Variants in KIF24 observed in about 807,000 individuals in gnomAD.
The protein encoded by KIF24 is kinesin-like protein KIF24.
In KIF24, 81 loss-of-function variants were observed where a neutral mutation model predicts 118.9. The observed-to-expected ratio is 0.68, with a 90% CI of 0.57 to 0.82. The LOEUF is 0.82. Ranked by LOEUF, KIF24 falls within the 40% of genes least tolerant of loss-of-function variation. The pLI is 0.00. For missense variants in KIF24, 1,560 were observed against 1,661.6 expected, an observed-to-expected ratio of 0.94 and a Z score of 1.06; for synonymous variants, 599 against 610.0, an observed-to-expected ratio of 0.98 and a Z score of 0.27.
At chr9:34,321,655 G>A (rs1837529522) in intron 1 of KIF24, among the ~76,000 whole-genome samples, 1 of 146,664 alleles carries the variant, frequency 6.8e-6, no homozygotes, top group African/African-American at 2.5e-5. Context: ...CGCCCAGGCT[G>A]GAGTACAGTG....
intron 6 of KIF24, among the ~76,000 whole-genome samples, chr9:34,283,052 CAA>C (rs33926979): frequency 0.55 from 37,503 of 68,386 alleles, 7,931 homozygotes; most frequent in South Asian, 0.7. Context: ...AACTCCGTCT[CAA>C]AAAAAAAAAA....
chr9:34,316,506 C>T (rs923831524), intron 1 of KIF24, among the ~76,000 whole-genome samples: 9 of 152,134 alleles, frequency 5.9e-5, no homozygotes, highest in African/African-American at 1.4e-4. Context: ...AGGGCCCTTA[C>T]GACTTTAAGA....
At chr9:34,271,165 T>C (rs1302764591) in intron 7 of KIF24, among the ~76,000 whole-genome samples, 1 of 152,064 alleles carries the variant, frequency 6.6e-6, no homozygotes, top group Non-Finnish European at 1.5e-5. Flanking sequence ...TTGATGCTGG[T>C]ACTGTCCACT....
intron 5 of KIF24, among the ~76,000 whole-genome samples, 170 bp from the exon 6 acceptor site, chr9:34,286,874 G>C (rs1228950269): frequency 6.6e-6 from 1 of 152,166 alleles, no homozygotes; most frequent in Non-Finnish European, 1.5e-5. Flanking sequence ...GCCCGATTCA[G>C]GGGTGGTTGT....
chr9:34,276,515 A>G (rs1394504295), intron 6 of KIF24, among the ~76,000 whole-genome samples: 3 of 152,200 alleles, frequency 2.0e-5, no homozygotes, highest in Admixed American at 6.6e-5. Flanking sequence ...TTAAGAATCC[A>G]AAAGTTGACA....
chr9:34,302,238 C>T (rs992839295), intron 3 of KIF24, among the ~76,000 whole-genome samples: 46 of 152,056 alleles, frequency 3.0e-4, no homozygotes, highest in African/African-American at 8.9e-4. Context: ...TTGTGATCCA[C>T]GGCCTCGGCC....
Position 34,255,029 on chromosome 9 carries a change from C to T in KIF24, c.3966+43G>A. 5 of 1,321,970 alleles carry T rather than the reference C, an allele frequency of 3.8e-6. No homozygotes were observed. The South Asian group carries it at 6.3e-5, about 17-fold the overall frequency. The allele number at this position is 1,321,970 out of a possible 1,614,324, so 81.9% of individuals were successfully genotyped here. On this transcript the variant is annotated intron_variant, in intron 12 of 12. Transcript: ENST00000402558. ...GGATGACCATCAAATTAGCTGCAGG[C>T]TAATTCCCAACAGCCTGTGAGTGTC...
At position 34,269,339 on chromosome 9, in the gene KIF24, C is replaced by A; in HGVS notation, c.1361G>T (p.Gly454Val). ...CCTTGCATCTGCTGCTCTTTCACTG[C>A]CAGCCAAGTCAATAAAAGAGATCCT... ...FGRISFIDLA[G>V]SERAADARDS... The change falls in exon 8 of 13, where the codon GGC (glycine) becomes GTC (valine). Residue 454 changes from glycine to valine, a missense_variant. Physicochemically the swap from Gly to Val is moderately radical, Grantham distance 109. Around this residue, in one of 3 missense-constraint regions of KIF24, gnomAD observed 964 missense variants for 988.0 expected, o/e 0.98. Coordinates refer to ENST00000402558, the MANE Select transcript of KIF24 (RefSeq NM_194313.4). The A allele has an allele frequency of 1.2e-6, 2 of 1,605,874 alleles. No homozygotes were observed. Among genetic ancestry groups the A allele is most frequent in the Non-Finnish European group, 1.7e-6 (2 of 1,173,330 alleles).
chr9:34,293,279 A>G (rs1300760670), intron 4 of KIF24, among the ~76,000 whole-genome samples: 1 of 151,802 alleles, frequency 6.6e-6, no homozygotes, highest in Non-Finnish European at 1.5e-5. Flanking sequence ...CAGGAGTTCG[A>G]GATCAGCCTG....
chr9:34,268,832 C>T (rs1487169469), intron 8 of KIF24, among the ~76,000 whole-genome samples: 4 of 152,170 alleles, frequency 2.6e-5, no homozygotes, highest in Admixed American at 2.6e-4. Flanking sequence ...ATAATCCAAC[C>T]AGGGGGAGGG....
chr9:34,320,519 A>G (rs1209245333), intron 1 of KIF24, among the ~76,000 whole-genome samples: 2 of 151,468 alleles, frequency 1.3e-5, no homozygotes, highest in Non-Finnish European at 2.9e-5. Context: ...TTAGCTGGGC[A>G]TGGTGGCGGG....
chr9:34,327,654 C>A (rs908667007), intron 1 of KIF24, among the ~76,000 whole-genome samples: 1 of 151,866 alleles, frequency 6.6e-6, no homozygotes, highest in African/African-American at 2.4e-5. Flanking sequence ...GTGTGGTCTA[C>A]CTGACATCAA....
At position 34,320,136 on chromosome 9, in the gene KIF24, C is replaced by T. The variant is rs566379407; in HGVS notation, c.-25-8765G>A. Among the ~76,000 whole-genome samples, 6 of 152,200 alleles carry T rather than the reference C, an allele frequency of 3.9e-5. No individual in the cohort carries two copies. The East Asian group carries it at 1.2e-3, about 29-fold the overall frequency. On this transcript the variant is annotated intron_variant, in intron 1 of 12. Transcript: ENST00000402558. ...AGGCATCCCCAGAATGACCTGGCCC[C>T]ATTGAGGCAGATCGAGAAAGAGCTC...
At position 34,256,726 on chromosome 9, in the gene KIF24, T is replaced by G. The variant is rs754768786; in HGVS notation, c.2881A>C (p.Arg961=). The G allele has an allele frequency of 3.0e-5, 48 of 1,613,774 alleles. No homozygotes were observed. The East Asian group carries it at 1.0e-3, about 35-fold the overall frequency. Residue 961 remains arginine (R), a synonymous_variant, in exon 11 of 13, where the codon AGA becomes CGA. Transcript: ENST00000402558. The part of the protein sequence containing the change: ...ERGGGSSFDL[R]KDASQSEVSG... ...ACCTCACTTTGGGAGGCATCCTTTC[T>G]GAGATCAAAGGAAGAGCCTCCACCT...
intron 4 of KIF24, among the ~76,000 whole-genome samples, chr9:34,294,510 T>G (rs1836385428): frequency 6.6e-6 from 1 of 151,514 alleles, no homozygotes; most frequent in African/African-American, 2.4e-5. Context: ...ATCGCACCAT[T>G]GCACTCCAGC....
At chr9:34,262,678 ATATATATATATATAT>A (rs1835129630) in intron 9 of KIF24, among the ~76,000 whole-genome samples, 1 of 17,364 alleles carries the variant, frequency 5.8e-5, no homozygotes, top group Non-Finnish European at 9.5e-5. Context: ...AAAAAAAAAT[ATATATATATATATAT>A]ATATATATAT....
chr9:34,324,983 A>G lies in KIF24; in HGVS notation c.-26+4123T>C, dbSNP rs556769347. ...ACAGTTAATTATATTAATAATTATT[A>G]TATGATAATTATTTGATTATGTCTA... On this transcript the variant is annotated intron_variant, in intron 1 of 12. Transcript: ENST00000402558. Among the ~76,000 whole-genome samples the G allele has an allele frequency of 2.6e-5, 4 of 152,178 alleles. No homozygotes were observed. In the East Asian group the frequency reaches 5.8e-4, roughly 22 times the overall value.
At chr9:34,262,682 A>T (rs1835130541) in intron 9 of KIF24, among the ~76,000 whole-genome samples, 1 of 20,238 alleles carries the variant, frequency 4.9e-5, no homozygotes, top group African/African-American at 2.0e-4. Context: ...AAAAATATAT[A>T]TATATATATA....
At chr9:34,288,981 C>T (rs1446082904) in intron 5 of KIF24, among the ~76,000 whole-genome samples, 1 of 151,754 alleles carries the variant, frequency 6.6e-6, no homozygotes, top group East Asian at 1.9e-4. Context: ...GGCATTGGAG[C>T]TTGATGGAGA....
Sources: allele counts gnomAD v4.1 joint callset (sites outside exome capture counted in the v4.1 genomes callset), GRCh38; gene constraint gnomAD v4.1.1; regional missense constraint gnomAD v4.1.1; transcripts MANE v1.5; gene names NCBI Gene and HGNC (gene_info 2026-07-23, HGNC 2026-07-21).